SYN3: variants seen among roughly 807,000 people sequenced by gnomAD.
SYN3 encodes the protein synapsin-3.
SYN3 carries 35 observed loss-of-function variants against 65.8 expected under a neutral mutation model. The observed-to-expected ratio is 0.53, with a 90% confidence interval of 0.41 to 0.70. SYN3 has a LOEUF of 0.70. Among genes scored for constraint, SYN3 ranks in the 30% least tolerant of loss-of-function variants. SYN3 has a pLI of 0.00. For synonymous variants in SYN3, 270 were observed against 292.9 expected, an observed-to-expected ratio of 0.92 and a Z score of 0.80; for missense variants, 680 against 749.0, an observed-to-expected ratio of 0.91 and a Z score of 1.08.
intron 6 of SYN3, among the ~76,000 whole-genome samples, chr22:32,781,101 T>G (rs1358372149): frequency 8.1e-6 from 1 of 122,844 alleles, no homozygotes; most frequent in Non-Finnish European, 1.6e-5. Flanking sequence ...TCCTCCCTTC[T>G]TCCTTCTCTG....
At chr22:32,751,582 A>G (rs1277394558) in intron 6 of SYN3, among the ~76,000 whole-genome samples, 3 of 152,194 alleles carry the variant, frequency 2.0e-5, no homozygotes, top group Non-Finnish European at 2.9e-5. Flanking sequence ...GCCTATAGGC[A>G]GTTTCTGGTG....
At chr22:32,566,424 CAAGGG>C (rs1184273232) in intron 7 of SYN3, among the ~76,000 whole-genome samples, 2 of 151,944 alleles carry the variant, frequency 1.3e-5, no homozygotes, top group African/African-American at 2.4e-5. Flanking sequence ...CATGGATGCT[CAAGGG>C]AAGGGTGGAA....
chr22:32,784,489 G>A (rs1184169356), intron 6 of SYN3, among the ~76,000 whole-genome samples: 2 of 152,180 alleles, frequency 1.3e-5, no homozygotes, highest in African/African-American at 4.8e-5. Flanking sequence ...TCAAGTGAGT[G>A]AGGAAGTAGG....
chr22:32,518,302 G>T lies in SYN3; in HGVS notation c.1351C>A (p.Gln451Lys). The T allele has an allele frequency of 1.9e-6, 3 of 1,608,778 alleles. No individual in the cohort carries two copies. Among genetic ancestry groups the T allele is most frequent in the Non-Finnish European group, 2.5e-6 (3 of 1,177,428 alleles). The change falls in exon 13 of 14, where the codon CAG (glutamine) becomes AAG (lysine). Residue 451 changes from glutamine to lysine, a missense_variant. Coordinates refer to ENST00000358763, the MANE Select transcript of SYN3 (RefSeq NM_003490.4). ...TGTTGGGAGGGGCTTCCAGATCTCTGGGGCTGAGGAGACTGAGCTTGGCGA... is the reference window on the plus strand; with the variant it reads ...TGTTGGGAGGGGCTTCCAGATCTCTTGGGCTGAGGAGACTGAGCTTGGCGA... ...GPRQAQSPQP[Q>K]RSGSPSQQRL...
At chr22:32,533,662 T>C (rs2058114026) in intron 10 of SYN3, 131 bp downstream of exon 10, 5 of 590,360 alleles carry the variant, frequency 8.5e-6, no homozygotes, top group Admixed American at 5.3e-5. Flanking sequence ...AGCAACTCAC[T>C]GAGGCCTGGG....
rs2048164974 is a variant in SYN3, at chr22:32,849,682, G to A, written c.711+15233C>T. On this transcript the variant is annotated intron_variant, in intron 6 of 13. Coordinates refer to ENST00000358763, the MANE Select transcript of SYN3 (RefSeq NM_003490.4). ...CCTTCTGCCTGCTGGAGAGGGAGCTGCTAAGGCTGCATAAAGGGATGGGTA... is the reference window on the plus strand; with the variant it reads ...CCTTCTGCCTGCTGGAGAGGGAGCTACTAAGGCTGCATAAAGGGATGGGTA... 1.2e-5 allele frequency: 9 copies of A among 765,602 alleles called. No individual in the cohort carries two copies. In the South Asian group the frequency reaches 1.2e-4, roughly 10 times the overall value. The allele number at this position is 765,602 out of a possible 1,614,324, so 47.4% of individuals were successfully genotyped here.
At chr22:32,821,774 C>G (rs1032261315) in intron 6 of SYN3, among the ~76,000 whole-genome samples, 6 of 152,220 alleles carry the variant, frequency 3.9e-5, no homozygotes, top group Admixed American at 3.9e-4. Context: ...ATGTCCCACT[C>G]AGTGGAGGGA....
chr22:32,723,387 T>C (rs1262428045), intron 6 of SYN3, among the ~76,000 whole-genome samples: 1 of 152,244 alleles, frequency 6.6e-6, no homozygotes. Flanking sequence ...TGTTGGCTAC[T>C]ACTGTGCTCA....
intron 4 of SYN3, among the ~76,000 whole-genome samples, chr22:32,890,526 G>A (rs1026814340): frequency 2.6e-5 from 4 of 152,040 alleles, no homozygotes; most frequent in Non-Finnish European, 5.9e-5. Flanking sequence ...GACTACAGGC[G>A]CATGCCACCA....
intron 2 of SYN3, among the ~76,000 whole-genome samples, chr22:32,995,152 A>C (rs2052841940): frequency 6.6e-6 from 1 of 152,116 alleles, no homozygotes; most frequent in Non-Finnish European, 1.5e-5. Context: ...CCTCACAGGC[A>C]AGGAAAGCTG....
intron 6 of SYN3, among the ~76,000 whole-genome samples, chr22:32,798,051 T>C (rs2046471181): frequency 6.6e-6 from 1 of 152,262 alleles, no homozygotes; most frequent in Admixed American, 6.5e-5. Context: ...AACAAAGTTT[T>C]CATGTGCTTT....
At chr22:32,679,580 T>C (rs1311620472) in intron 6 of SYN3, among the ~76,000 whole-genome samples, 1 of 152,136 alleles carries the variant, frequency 6.6e-6, no homozygotes, top group Non-Finnish European at 1.5e-5. Flanking sequence ...AGCTGCACCA[T>C]TTTACATTCC....
chr22:32,914,975 T>C (rs1377129742), intron 4 of SYN3, among the ~76,000 whole-genome samples: 2 of 152,184 alleles, frequency 1.3e-5, no homozygotes, highest in Non-Finnish European at 2.9e-5. Flanking sequence ...GAAAGCAACT[T>C]GACCTCTGCC....
chr22:32,622,104 T>A (rs2059603748), intron 6 of SYN3, among the ~76,000 whole-genome samples: 1 of 151,920 alleles, frequency 6.6e-6, no homozygotes, highest in Non-Finnish European at 1.5e-5. Flanking sequence ...TTGCTTACAG[T>A]CCGCACAGCT....
At chr22:32,763,021 T>TAA (rs1261872769) in intron 6 of SYN3, among the ~76,000 whole-genome samples, 1 of 152,224 alleles carries the variant, frequency 6.6e-6, no homozygotes, top group Non-Finnish European at 1.5e-5. Flanking sequence ...ATTAGTATCT[T>TAA]ATTGAGTGCT....
At chr22:32,680,462 G>A (rs1030539630) in intron 6 of SYN3, among the ~76,000 whole-genome samples, 3 of 152,292 alleles carry the variant, frequency 2.0e-5, no homozygotes, top group East Asian at 1.9e-4. Context: ...GTATTCCACA[G>A]CATCTAGTTC....
At chr22:32,807,967 C>T (rs2046810995) in intron 6 of SYN3, among the ~76,000 whole-genome samples, 1 of 152,026 alleles carries the variant, frequency 6.6e-6, no homozygotes, top group Non-Finnish European at 1.5e-5. Flanking sequence ...TATTGACTTA[C>T]TGAGTGTTTT....
At chr22:32,656,047 A>T (rs1416786976) in intron 6 of SYN3, among the ~76,000 whole-genome samples, 15 of 152,318 alleles carry the variant, frequency 9.8e-5, no homozygotes, top group African/African-American at 3.6e-4. Flanking sequence ...AAATGAGAGG[A>T]TATGGTCTCT....
chr22:32,513,290 T>G lies in SYN3; in HGVS notation c.*402A>C. 5.8e-6 allele frequency: 1 copy of G among 171,066 alleles called. No individual in the cohort carries two copies. The allele number at this position is 171,066 out of a possible 1,614,324, so 10.6% of individuals were successfully genotyped here. On this transcript the variant is annotated 3_prime_UTR_variant, in exon 14 of 14. Transcript: ENST00000358763. ...CTGAGGTCTGACTACAGTGTCTGCG[T>G]TTGATGGAGGTGGGGCAAGGCCTAG...
Sources: gnomAD v4.1 joint callset for allele counts (sites outside exome capture counted in the v4.1 genomes callset) on GRCh38, gnomAD v4.1.1 for gene constraint, MANE v1.5 for transcripts, NCBI Gene and HGNC (gene_info 2026-07-23, HGNC 2026-07-21) for gene names.